The following RNF138 variants were observed in gnomAD, a reference collection of about 807,000 sequenced individuals.
RNF138 encodes the protein ring finger protein 138.
In RNF138, 12 loss-of-function variants were observed where a neutral mutation model predicts 31.0. The observed-to-expected ratio is 0.39, with a 90% CI of 0.25 to 0.63. The LOEUF (loss-of-function observed/expected upper bound fraction) is 0.63, where lower values mean the gene tolerates loss of function less well. Ranked by LOEUF, RNF138 falls within the 20% of genes least tolerant of loss-of-function variation. The pLI is 0.52. For synonymous variants in RNF138, 105 were observed against 99.5 expected (o/e 1.06, Z -0.33); for missense variants, 192 against 300.1 (o/e 0.64, Z 2.66).
chr18:32,112,420 C>T (rs1051489910), intron 3 of RNF138, among the ~76,000 whole-genome samples: 2 of 152,198 alleles, frequency 1.3e-5, no homozygotes, highest in African/African-American at 4.8e-5. Flanking sequence ...CATGGTGGCT[C>T]ATGCCTGTAA....
At chr18:32,100,152 G>T (rs186012946) in intron 2 of RNF138, among the ~76,000 whole-genome samples, 1 of 151,916 alleles carries the variant, frequency 6.6e-6, no homozygotes, top group African/African-American at 2.4e-5. Flanking sequence ...ATTGTAAAGA[G>T]CAAATAGATA....
At chr18:32,092,410 C>A (rs2039707676) in intron 1 of RNF138, among the ~76,000 whole-genome samples, 175 bp downstream of exon 1, 2 of 151,956 alleles carry the variant, frequency 1.3e-5, no homozygotes. Context: ...GGGGCGCGAG[C>A]CCGCGCCTGG....
Position 32,129,303 on chromosome 18 carries a change from T to C in RNF138, c.*116T>C. 1 of 659,474 alleles carries C rather than the reference T, an allele frequency of 1.5e-6. No homozygotes were observed. The highest frequency in any genetic ancestry group is 2.6e-6 in the Non-Finnish European group (1 of 381,912). 40.9% of individuals were successfully genotyped at this position (659,474 alleles called of 1,614,324 possible). A position where few individuals can be genotyped will look rare whatever the true frequency, so the allele number is the denominator to read the frequency against. ...TATATTAATAAAAGTAATTCAGTCATTTTAGTTTTTGATTGAAAATAAAGG... is the reference window on the plus strand; with the variant it reads ...TATATTAATAAAAGTAATTCAGTCACTTTAGTTTTTGATTGAAAATAAAGG... On this transcript the variant is annotated 3_prime_UTR_variant, in exon 8 of 8. Coordinates refer to ENST00000261593, the MANE Select transcript of RNF138 (RefSeq NM_016271.5).
At chr18:32,122,946 T>G (rs1028621751) in intron 4 of RNF138, among the ~76,000 whole-genome samples, 4 of 152,242 alleles carry the variant, frequency 2.6e-5, no homozygotes, top group Non-Finnish European at 5.9e-5. Flanking sequence ...ATATTCCATG[T>G]GACACATGAC....
chr18:32,109,303 G>A (rs1431685921), intron 2 of RNF138, among the ~76,000 whole-genome samples: 1 of 151,856 alleles, frequency 6.6e-6, no homozygotes. Flanking sequence ...ACAGGCATGT[G>A]CCACCATGCC....
At chr18:32,108,074 T>C (rs1463057280) in intron 2 of RNF138, among the ~76,000 whole-genome samples, 2 of 151,016 alleles carry the variant, frequency 1.3e-5, no homozygotes, top group Admixed American at 1.3e-4. Flanking sequence ...AGGCTGGTCT[T>C]GACCTCCTGA....
intron 2 of RNF138, among the ~76,000 whole-genome samples, chr18:32,101,910 T>A (rs1352044124): frequency 1.3e-5 from 2 of 152,154 alleles, no homozygotes; most frequent in Admixed American, 1.3e-4. Flanking sequence ...AGGGTCTAAC[T>A]CTGTTGCCCA....
chr18:32,108,309 C>T (rs1369449232), intron 2 of RNF138, among the ~76,000 whole-genome samples: 8 of 152,170 alleles, frequency 5.3e-5, no homozygotes, highest in Non-Finnish European at 1.2e-4. Flanking sequence ...AGAAACTCCC[C>T]TAATGTTCCC....
At position 32,092,695 on chromosome 18, in the gene RNF138, T is replaced by A. The variant is rs759254270; in HGVS notation, c.-77-5T>A. ...GATCCCCCTCCCCCCTCCGGGTTCA[T>A]GTAGGGAGTCGGGCCCCGGGCCGCC... On this transcript the variant is annotated splice_region_variant and splice_polypyrimidine_tract_variant and intron_variant, in intron 1 of 7. Coordinates refer to ENST00000261593, the MANE Select transcript of RNF138 (RefSeq NM_016271.5). 1.3e-6 allele frequency: 1 copy of A among 784,572 alleles called. No individual in the cohort carries two copies. The highest frequency in any genetic ancestry group is 2.1e-5 in the Admixed American group (1 of 47,882). The allele number at this position is 784,572 out of a possible 1,614,324, so 48.6% of individuals were successfully genotyped here.
At chr18:32,121,841 A>T (rs1032790546) in intron 4 of RNF138, among the ~76,000 whole-genome samples, 1 of 152,170 alleles carries the variant, frequency 6.6e-6, no homozygotes, top group African/African-American at 2.4e-5. Flanking sequence ...GAAAGGTACA[A>T]ATAGTAGTTT....
At chr18:32,097,964 GTGTGTGTGTGTGT>G (rs1211553103) in intron 2 of RNF138, among the ~76,000 whole-genome samples, 38 of 82,862 alleles carry the variant, frequency 4.6e-4, no homozygotes, top group Middle Eastern at 5.2e-3. Context: ...GTGTGTGTGT[GTGTGTGTGTGTGT>G]TATTTTTGTT....
rs561361027 is a variant in RNF138, at chr18:32,116,172, A to G, written c.392+2312A>G. Among the ~76,000 whole-genome samples the G allele has an allele frequency of 1.4e-4, 21 of 152,266 alleles. No individual in the cohort carries two copies. In the South Asian group the frequency reaches 4.4e-3, roughly 32 times the overall value. On this transcript the variant is annotated intron_variant, in intron 4 of 7. Transcript: ENST00000261593. ...ATGTTAGTTCTTCCTCATCATCCTC[A>G]TTATCACTCCCTCACCTCCACACTT... is the stretch of plus-strand genomic sequence containing the variant.
At chr18:32,102,199 T>G (rs1403889383) in intron 2 of RNF138, among the ~76,000 whole-genome samples, 1 of 128,958 alleles carries the variant, frequency 7.8e-6, no homozygotes. Context: ...TAGTTTCTTT[T>G]TTTTTTTTTT....
At chr18:32,101,979 C>T (rs1187499009) in intron 2 of RNF138, among the ~76,000 whole-genome samples, 10 of 151,724 alleles carry the variant, frequency 6.6e-5, no homozygotes, top group East Asian at 3.9e-4. Context: ...TAGGCTTAAG[C>T]GATCCTCCCA....
At position 32,127,885 on chromosome 18, in the gene RNF138, C is replaced by T. The variant is rs532911290; in HGVS notation, c.669+1085C>T. Among the ~76,000 whole-genome samples the T allele has an allele frequency of 3.3e-5, 5 of 152,068 alleles. No individual in the cohort carries two copies. The East Asian group carries it at 9.8e-4, about 30-fold the overall frequency. On this transcript the variant is annotated intron_variant, in intron 7 of 7. Coordinates refer to ENST00000261593, the MANE Select transcript of RNF138 (RefSeq NM_016271.5). Reference sequence around the variant, plus strand: ...CACAAGGTCAGGAGATTGAGACCATCCTGGCTAACACGGTGAAACCCCGTC... The same window carrying T: ...CACAAGGTCAGGAGATTGAGACCATTCTGGCTAACACGGTGAAACCCCGTC...
At chr18:32,121,944 C>G (rs555566132) in intron 4 of RNF138, among the ~76,000 whole-genome samples, 16 of 152,234 alleles carry the variant, frequency 1.1e-4, no homozygotes, top group Non-Finnish European at 4.4e-5. Flanking sequence ...TCTTAGCTCA[C>G]TGCAACCTCC....
At chr18:32,093,963 A>G (rs1182808343) in intron 2 of RNF138, among the ~76,000 whole-genome samples, 1 of 150,894 alleles carries the variant, frequency 6.6e-6, no homozygotes, top group East Asian at 1.9e-4. Context: ...TATTTATTGT[A>G]TTTTTTTTTA....
At chr18:32,105,293 G>A (rs905973068) in intron 2 of RNF138, among the ~76,000 whole-genome samples, 9 of 152,076 alleles carry the variant, frequency 5.9e-5, no homozygotes, top group African/African-American at 2.2e-4. Context: ...GTTTCACCAT[G>A]TTGGCCAGGC....
chr18:32,108,893 G>A (rs1017255284), intron 2 of RNF138, among the ~76,000 whole-genome samples: 7 of 151,928 alleles, frequency 4.6e-5, no homozygotes, highest in African/African-American at 1.4e-4. Context: ...TGTTGTCCAG[G>A]CTGGCCTCAA....
Sources: gnomAD v4.1 joint callset for allele counts (sites outside exome capture counted in the v4.1 genomes callset) on GRCh38, gnomAD v4.1.1 for gene constraint, MANE v1.5 for transcripts, NCBI Gene and HGNC (gene_info 2026-07-23, HGNC 2026-07-21) for gene names.